MEGF10: variants seen among roughly 807,000 people sequenced by gnomAD.
MEGF10 encodes the protein multiple EGF like domains 10.
MEGF10 carries 86 observed loss-of-function variants against 147.5 expected under a neutral mutation model. The observed-to-expected ratio is 0.58, with a 90% CI of 0.49 to 0.70. The LOEUF is 0.70. Ranked by LOEUF, MEGF10 falls within the 30% of genes least tolerant of loss-of-function variation. The pLI is 0.00. For synonymous variants in MEGF10, 478 were observed against 525.5 expected, an observed-to-expected ratio of 0.91 and a Z score of 1.24; for missense variants, 1,329 against 1,487.3, an observed-to-expected ratio of 0.89 and a Z score of 1.75.
In MEGF10 at chr5:127,420,692, A is replaced by G. The variant is rs185304821; in HGVS notation, c.1590+485A>G. 1.2e-4 allele frequency among the ~76,000 whole-genome samples: 18 copies of G among 152,286 alleles called. No individual in the cohort carries two copies. In the East Asian group the frequency reaches 2.5e-3, roughly 21 times the overall value. ...TAACATAAGTATCTCTGGAGCCACA[A>G]AAATTTCTTAAGATGTCCCTATAGC... On this transcript the variant is annotated intron_variant, in intron 12 of 24. Coordinates refer to ENST00000503335, the MANE Select transcript of MEGF10 (RefSeq NM_001256545.2).
chr5:127,413,114 A>C (rs1359337213), intron 9 of MEGF10, among the ~76,000 whole-genome samples: 1 of 152,194 alleles, frequency 6.6e-6, no homozygotes, highest in Non-Finnish European at 1.5e-5. Flanking sequence ...TGTTGCAAAG[A>C]ATTTGTAGAC....
chr5:127,285,779 T>A, the MEGF10 span, among the ~76,000 whole-genome samples: 1 of 152,032 alleles, frequency 6.6e-6, no homozygotes, highest in Non-Finnish European at 1.5e-5. Flanking sequence ...TAAATTAAAA[T>A]AAATAAAAAT....
intron 13 of MEGF10, among the ~76,000 whole-genome samples, chr5:127,429,048 A>C (rs1358027229): frequency 6.6e-6 from 1 of 152,244 alleles, no homozygotes; most frequent in African/African-American, 2.4e-5. Flanking sequence ...TCTCCTTATC[A>C]GCATTAGAAC....
In MEGF10 at chr5:127,304,652, C is replaced by T. The variant is rs1759932389; in HGVS notation, c.-19+13596C>T. Among the ~76,000 whole-genome samples, 3 of 152,282 alleles carry T rather than the reference C, an allele frequency of 2.0e-5. No homozygotes were observed. The South Asian group carries it at 6.2e-4, about 32-fold the overall frequency. On this transcript the variant is annotated intron_variant, in intron 1 of 24. Transcript: ENST00000503335. Reference sequence around the variant, plus strand: ...GGGACTACAGGTGCCTGCCGCCATGCCCTGCTAATTTTTGTATTTTTTGGT... The same window carrying T: ...GGGACTACAGGTGCCTGCCGCCATGTCCTGCTAATTTTTGTATTTTTTGGT...
the MEGF10 span, among the ~76,000 whole-genome samples, chr5:127,238,392 G>T: frequency 6.6e-6 from 1 of 151,950 alleles, no homozygotes; most frequent in Non-Finnish European, 1.5e-5. Context: ...AAAAACCAAG[G>T]TCTTCCTTTA....
At chr5:127,231,672 A>G in the MEGF10 span, among the ~76,000 whole-genome samples, 1 of 143,604 alleles carries the variant, frequency 7.0e-6, no homozygotes, top group Non-Finnish European at 1.5e-5. Context: ...AAGGCCTGAT[A>G]CATAGAAAAT....
chr5:127,326,742 A>G (rs1761051993), intron 1 of MEGF10, among the ~76,000 whole-genome samples: 1 of 152,200 alleles, frequency 6.6e-6, no homozygotes, highest in Admixed American at 6.5e-5. Flanking sequence ...GCTATTCTTA[A>G]TCAATAAATT....
chr5:127,272,080 A>G, the MEGF10 span, among the ~76,000 whole-genome samples: 2 of 152,162 alleles, frequency 1.3e-5, no homozygotes, highest in African/African-American at 4.8e-5. Context: ...TAAAGTCTCA[A>G]GATGGATATC....
Position 127,367,903 on chromosome 5 carries a change from C to A in MEGF10, c.320-2007C>A, listed in dbSNP as rs1382925576. 2.0e-5 allele frequency among the ~76,000 whole-genome samples: 3 copies of A among 152,164 alleles called. 1 individual carries two copies. Among genetic ancestry groups the A allele is most frequent in the African/African-American group, 7.2e-5 (3 of 41,432 alleles). On this transcript the variant is annotated intron_variant, in intron 4 of 24. Coordinates refer to ENST00000503335, the MANE Select transcript of MEGF10 (RefSeq NM_001256545.2). ...GGTGGGAGAGTCTCCTGTACCCATG[C>A]TGCCATTTAACACAGTGTGAGATAG...
At chr5:127,417,305 G>T (rs1000134806) in intron 9 of MEGF10, among the ~76,000 whole-genome samples, 2 of 152,198 alleles carry the variant, frequency 1.3e-5, no homozygotes, top group African/African-American at 4.8e-5. Flanking sequence ...TCCATTGGAT[G>T]GAGTTTTTTT....
At chr5:127,424,391 A>T in intron 13 of MEGF10, 1 of 787,314 alleles carries the variant, frequency 1.3e-6, no homozygotes, top group Non-Finnish European at 2.2e-6. Context: ...GGTAACATCA[A>T]TATGTTAATT....
intron 7 of MEGF10, among the ~76,000 whole-genome samples, chr5:127,401,146 C>A (rs1231622082): frequency 6.6e-6 from 1 of 152,122 alleles, no homozygotes; most frequent in Non-Finnish European, 1.5e-5. Flanking sequence ...CCCTTCTTAC[C>A]ACAGACTGAC....
At chr5:127,301,135 G>C (rs1759748244) in intron 1 of MEGF10, among the ~76,000 whole-genome samples, 1 of 152,172 alleles carries the variant, frequency 6.6e-6, no homozygotes, top group Non-Finnish European at 1.5e-5. Context: ...TGAAGTCTTT[G>C]GCTTATCTCC....
chr5:127,429,900 G>A (rs921983546), intron 13 of MEGF10, among the ~76,000 whole-genome samples: 1 of 152,100 alleles, frequency 6.6e-6, no homozygotes, highest in African/African-American at 2.4e-5. Flanking sequence ...TAACACCAGG[G>A]GGAGGTTCAC....
chr5:127,270,529 C>T, the MEGF10 span, among the ~76,000 whole-genome samples: 3 of 152,186 alleles, frequency 2.0e-5, no homozygotes, highest in Non-Finnish European at 4.4e-5. Context: ...ACAAGAAGAG[C>T]TAACTATCTT....
the MEGF10 span, among the ~76,000 whole-genome samples, chr5:127,247,392 GAAGAAGAAGAA>G: frequency 2.8e-5 from 1 of 36,190 alleles, no homozygotes; most frequent in Admixed American, 3.1e-4. Context: ...AGAAGAAGAA[GAAGAAGAAGAA>G]GAAGAAGAAG....
intron 4 of MEGF10, among the ~76,000 whole-genome samples, chr5:127,346,111 A>T (rs761846725): frequency 2.6e-5 from 4 of 152,092 alleles, no homozygotes; most frequent in Non-Finnish European, 4.4e-5. Flanking sequence ...TTGTTGATTG[A>T]TGGGCATTTC....
rs1561633968 is a variant in MEGF10 at position 127,417,661 on chromosome 5, G to A, written c.1154G>A (p.Cys385Tyr). 1.2e-6 allele frequency: 2 copies of A among 1,614,180 alleles called. No individual in the cohort carries two copies. Among genetic ancestry groups the A allele is most frequent in the Non-Finnish European group, 1.7e-6 (2 of 1,180,032 alleles). The stretch of plus-strand genomic sequence containing the variant: ...AGCTGTCACCCCATGTCTGGAGAGT[G>A]TGCCTGCAAGCCGGGCTGGTCAGGA... ...THSCHPMSGE[C>Y]ACKPGWSGLY... Residue 385 changes from cysteine (C) to tyrosine (Y), a missense_variant, in exon 10 of 25, where the codon TGT (cysteine) becomes TAT (tyrosine). Around this residue, in one of 3 missense-constraint regions of MEGF10, gnomAD observed 980 missense variants for 1,085.9 expected, o/e 0.90. Transcript: ENST00000503335.
At position 127,461,051 on chromosome 5, in the gene MEGF10, A is replaced by C. The variant is rs779259160; in HGVS notation, c.*3733A>C. 6.6e-5 allele frequency: 10 copies of C among 152,324 alleles called. No homozygotes were observed. The highest frequency in any genetic ancestry group is 5.9e-4 in the Admixed American group (9 of 15,298). The allele number at this position is 152,324 out of a possible 1,614,324, so 9.4% of individuals were successfully genotyped here. On this transcript the variant is annotated 3_prime_UTR_variant, in exon 25 of 25. Coordinates refer to ENST00000503335, the MANE Select transcript of MEGF10 (RefSeq NM_001256545.2). The stretch of plus-strand genomic sequence containing the variant: ...GCAATCTATATTTTTAAAAAGAAAA[A>C]TCAAAATACATTAGGGTTTACTTGG...
Sources: gnomAD v4.1 joint callset for allele counts (sites outside exome capture counted in the v4.1 genomes callset) on GRCh38, gnomAD v4.1.1 for gene constraint, gnomAD v4.1.1 regional missense constraint, MANE v1.5 for transcripts, NCBI Gene and HGNC (gene_info 2026-07-23, HGNC 2026-07-21) for gene names.